ZMYM2: variants seen among roughly 807,000 people sequenced by gnomAD.
ZMYM2 encodes the protein zinc finger MYM-type protein 2.
Under a neutral mutation model 162.8 loss-of-function variants are expected in ZMYM2, and 56 were observed. The observed-to-expected ratio is 0.34, with a 90% CI of 0.28 to 0.43. The LOEUF (loss-of-function observed/expected upper bound fraction) is 0.43. Among genes scored for constraint, ZMYM2 ranks in the 20% least tolerant of loss-of-function variants. The pLI is 1.00. For synonymous variants in ZMYM2, 510 were observed against 541.6 expected (o/e 0.94, Z 0.81); for missense variants, 1,275 against 1,621.8 (o/e 0.79, Z 3.67).
At chr13:20,010,037 TTC>T (rs535402959) in intron 6 of ZMYM2, among the ~76,000 whole-genome samples, 179 of 152,306 alleles carry the variant, frequency 1.2e-3, no homozygotes, top group Admixed American at 2.2e-3. Flanking sequence ...TGTACAAGGC[TTC>T]TGTTTTCTCT....
At chr13:20,057,702 A>C (rs1005768598) in intron 14 of ZMYM2, among the ~76,000 whole-genome samples, 1 of 152,248 alleles carries the variant, frequency 6.6e-6, no homozygotes, top group Non-Finnish European at 1.5e-5. Context: ...TTATTAAAAA[A>C]TACTGTATGA....
the ZMYM2 span, among the ~76,000 whole-genome samples, chr13:19,923,426 C>T: frequency 6.9e-6 from 1 of 144,912 alleles, no homozygotes; most frequent in African/African-American, 2.5e-5. Flanking sequence ...CAGTGAATTG[C>T]TTATCCTTTA....
At chr13:19,947,298 G>C in the ZMYM2 span, among the ~76,000 whole-genome samples, 1 of 152,002 alleles carries the variant, frequency 6.6e-6, no homozygotes, top group Non-Finnish European at 1.5e-5. Context: ...CTGACCTCAT[G>C]ATCTGTCAGC....
At chr13:19,982,281 C>CTTTTTTTT (rs56165263) in intron 2 of ZMYM2, among the ~76,000 whole-genome samples, 17 of 86,278 alleles carry the variant, frequency 2.0e-4, no homozygotes, top group East Asian at 1.1e-3. Flanking sequence ...TATTAGCTGT[C>CTTTTTTTT]TTTTTTTTTT....
intron 12 of ZMYM2, among the ~76,000 whole-genome samples, chr13:20,047,322 G>A (rs1283864683): frequency 2.6e-5 from 4 of 152,136 alleles, no homozygotes; most frequent in African/African-American, 9.7e-5. Context: ...GTATCATCTT[G>A]AAAATGTGGT....
intron 6 of ZMYM2, among the ~76,000 whole-genome samples, chr13:20,013,419 T>C (rs1250404236): frequency 1.3e-5 from 2 of 152,210 alleles, no homozygotes; most frequent in Non-Finnish European, 2.9e-5. Context: ...TTTTTTCCAA[T>C]TCGGATGCAT....
chr13:19,936,978 A>G, the ZMYM2 span, among the ~76,000 whole-genome samples: 6 of 152,078 alleles, frequency 3.9e-5, no homozygotes, highest in Non-Finnish European at 7.4e-5. Flanking sequence ...GGAGAATGTT[A>G]TTAACATTGT....
At chr13:20,051,389 C>CA in intron 12 of ZMYM2, 44 bp from the exon 13 acceptor site, 1 of 1,583,164 alleles carries the variant, frequency 6.3e-7, no homozygotes, top group Non-Finnish European at 8.6e-7. Flanking sequence ...TGGAAATCTT[C>CA]AAAAATAATT....
intron 2 of ZMYM2, among the ~76,000 whole-genome samples, chr13:19,968,708 C>G: frequency 6.6e-6 from 1 of 152,132 alleles, no homozygotes; most frequent in Admixed American, 6.5e-5. Context: ...CCATTGTAGC[C>G]AGATTAATTT....
At chr13:19,923,283 G>A in the ZMYM2 span, among the ~76,000 whole-genome samples, 2 of 136,272 alleles carry the variant, frequency 1.5e-5, no homozygotes, top group African/African-American at 5.4e-5. Context: ...CTTGAACCCA[G>A]GAGGTGGAGG....
the ZMYM2 span, among the ~76,000 whole-genome samples, chr13:19,902,753 C>T: frequency 1.2e-4 from 19 of 152,172 alleles, no homozygotes; most frequent in East Asian, 3.7e-3. Flanking sequence ...TGGGTGACAC[C>T]CATAATCCCA....
chr13:20,034,424 T>C lies in ZMYM2; in HGVS notation c.2119+20T>C. ...GTGAAGGCAAGTTGCATATACAGTG[T>C]TGTTCATAACATTTATTGATATTTA... On this transcript the variant is annotated intron_variant, in intron 11 of 24. Coordinates refer to ENST00000610343, the MANE Select transcript of ZMYM2 (RefSeq NM_197968.4). 6.6e-7 allele frequency: 1 copy of C among 1,516,334 alleles called. No individual in the cohort carries two copies. The highest frequency in any genetic ancestry group is 8.8e-7 in the Non-Finnish European group (1 of 1,134,512). The allele number at this position is 1,516,334 out of a possible 1,614,324, so 93.9% of individuals were successfully genotyped here. A position where few individuals can be genotyped will look rare whatever the true frequency, so the allele number is the denominator to read the frequency against.
At chr13:20,055,809 T>A (rs921777277) in intron 14 of ZMYM2, among the ~76,000 whole-genome samples, 1 of 151,950 alleles carries the variant, frequency 6.6e-6, no homozygotes, top group Admixed American at 6.6e-5. Context: ...TTTTTTTTTT[T>A]AAAGCATACT....
chr13:20,062,777 C>G (rs529586542), intron 17 of ZMYM2, 69 bp from the exon 18 acceptor site: 1 of 1,386,878 alleles, frequency 7.2e-7, no homozygotes, highest in Non-Finnish European at 9.5e-7. Context: ...CTTGCTTTTG[C>G]CAGATTAAAT....
chr13:19,882,461 T>C, the ZMYM2 span, among the ~76,000 whole-genome samples: 1 of 152,140 alleles, frequency 6.6e-6, no homozygotes, highest in African/African-American at 2.4e-5. Context: ...AAACCACAAT[T>C]GGCTGGGCGT....
At chr13:19,959,246 C>T (rs1209466999) in intron 1 of ZMYM2, among the ~76,000 whole-genome samples, 1 of 150,360 alleles carries the variant, frequency 6.7e-6, no homozygotes, top group Non-Finnish European at 1.5e-5. Context: ...ATTTTCCTTT[C>T]TCTCCGGCGG....
chr13:20,019,457 G>A, intron 6 of ZMYM2, 90 bp from the exon 7 acceptor site: 1 of 1,157,684 alleles, frequency 8.6e-7, no homozygotes, highest in East Asian at 2.6e-5. Flanking sequence ...ATATAATTGA[G>A]AAGCAACTTT....
In ZMYM2 at chr13:20,005,259, A is replaced by G; in HGVS notation, c.1299+20A>G. Reference sequence around the variant, plus strand: ...ACTGAGGTTTGTATTTTTTTTCTTTATCATTTAATTCTAACAAATAGGAAT... The same window carrying G: ...ACTGAGGTTTGTATTTTTTTTCTTTGTCATTTAATTCTAACAAATAGGAAT... On this transcript the variant is annotated intron_variant, in intron 5 of 24. Transcript: ENST00000610343. The G allele has an allele frequency of 6.8e-7, 1 of 1,477,806 alleles. No homozygotes were observed. Among genetic ancestry groups the G allele is most frequent in the East Asian group, 2.6e-5 (1 of 38,738 alleles). 91.5% of individuals were successfully genotyped at this position (1,477,806 alleles called of 1,614,324 possible). A position where few individuals can be genotyped will look rare whatever the true frequency, so the allele number is the denominator to read the frequency against.
the ZMYM2 span, among the ~76,000 whole-genome samples, chr13:19,916,906 A>G: frequency 0.69 from 105,065 of 152,130 alleles, 37,797 homozygotes; most frequent in East Asian, 0.84. Context: ...CCTTCATATT[A>G]TTTGCTTGAA....
Sources: gnomAD v4.1 joint callset for allele counts (sites outside exome capture counted in the v4.1 genomes callset) on GRCh38, gnomAD v4.1.1 for gene constraint, MANE v1.5 for transcripts, NCBI Gene and HGNC (gene_info 2026-07-23, HGNC 2026-07-21) for gene names.